The following LAMA5 variants were observed in gnomAD, a reference collection of about 807,000 sequenced individuals.
The protein encoded by LAMA5 is laminin subunit alpha 5.
In LAMA5, 260 loss-of-function variants were observed where a neutral mutation model predicts 433.4. That is an observed-to-expected ratio of 0.60 (90% CI 0.54 to 0.66). The LOEUF is 0.66. LAMA5 is among the 30% of genes least tolerant of loss of function. LAMA5 has a pLI of 0.00. For missense variants in LAMA5, 5,378 were observed against 5,258.5 expected (o/e 1.02, Z -0.70); for synonymous variants, 2,620 against 2,226.6 (o/e 1.18, Z -4.97).
chr20:62,350,347 A>G (rs1984099791), intron 6 of LAMA5, among the ~76,000 whole-genome samples: 2 of 152,064 alleles, frequency 1.3e-5, no homozygotes, highest in South Asian at 4.1e-4. Context: ...GTGGGTCCCC[A>G]GGGCCCACAG....
intron 50 of LAMA5, among the ~76,000 whole-genome samples, chr20:62,320,318 CAAAAAAAAAAAA>C (rs60260941): frequency 2.0e-5 from 1 of 51,250 alleles, no homozygotes; most frequent in African/African-American, 8.2e-5. Context: ...AACTGTGTCT[CAAAAAAAAAAAA>C]AAAAAAAAAA....
chr20:62,348,996 G>A (rs117495689), intron 6 of LAMA5, among the ~76,000 whole-genome samples: 2,661 of 152,222 alleles, frequency 0.017, 37 homozygotes, highest in Middle Eastern at 0.031. Context: ...ATGGCCAGGC[G>A]CAGTGGCTCA....
chr20:62,329,767 T>C lies in LAMA5; in HGVS notation c.4119+10A>G, dbSNP rs1000393299. On this transcript the variant is annotated intron_variant, in intron 32 of 79. Coordinates refer to ENST00000252999, the MANE Select transcript of LAMA5 (RefSeq NM_005560.6). ...GCTGGTCCCTGAGCAGGACATCAGCTGGGACTCACCAGCCAGAGCCACCGG... is the reference window on the plus strand; with the variant it reads ...GCTGGTCCCTGAGCAGGACATCAGCCGGGACTCACCAGCCAGAGCCACCGG... 9 of 1,612,004 alleles carry C rather than the reference T, an allele frequency of 5.6e-6. No individual in the cohort carries two copies. The highest frequency in any genetic ancestry group is 3.3e-5 in the Admixed American group (2 of 59,934).
chr20:62,311,568 C>T (rs372215264), intron 71 of LAMA5, 32 bp from the exon 72 acceptor site: 30 of 1,609,696 alleles, frequency 1.9e-5, no homozygotes, highest in South Asian at 3.3e-5. Flanking sequence ...TCAGCAGCTG[C>T]GGAAGGCCAG....
At chr20:62,358,755 C>A (rs1985611881) in intron 2 of LAMA5, among the ~76,000 whole-genome samples, 1 of 152,156 alleles carries the variant, frequency 6.6e-6, no homozygotes, top group African/African-American at 2.4e-5. Context: ...CTGGCCCTGA[C>A]CCTCTCATAA....
rs1986432107 is a variant in LAMA5, at chr20:62,312,621, A to C, written c.9227+11T>G. The C allele has an allele frequency of 6.2e-7, 1 of 1,603,856 alleles. No individual in the cohort carries two copies. Among genetic ancestry groups the C allele is most frequent in the African/African-American group, 1.3e-5 (1 of 74,730 alleles). On this transcript the variant is annotated intron_variant, in intron 67 of 79. Transcript: ENST00000252999. ...CCTGGCCTCGGAGCCCCAGCTGCGC[A>C]CAGTGCTTACCTCGGGGGCAGCTGG...
intron 59 of LAMA5, 28 bp from the exon 60 acceptor site, chr20:62,314,975 G>C: frequency 6.3e-7 from 1 of 1,579,000 alleles, no homozygotes; most frequent in Non-Finnish European, 8.6e-7. Context: ...TGAGACCTTT[G>C]CCCCCCACCG....
At chr20:62,325,674 A>C in intron 40 of LAMA5, 128 bp from the exon 41 acceptor site, 1 of 603,756 alleles carries the variant, frequency 1.7e-6, no homozygotes, top group Non-Finnish European at 2.8e-6. Context: ...GGAGGTACAC[A>C]CAGGTAGAAA....
chr20:62,331,801 C>T (rs993603723), intron 28 of LAMA5, among the ~76,000 whole-genome samples: 2 of 152,304 alleles, frequency 1.3e-5, no homozygotes, highest in South Asian at 2.1e-4. Flanking sequence ...TCTGTAATCC[C>T]AGCATTTTGG....
intron 1 of LAMA5, among the ~76,000 whole-genome samples, chr20:62,363,366 C>T (rs911046674): frequency 2.0e-5 from 3 of 152,310 alleles, no homozygotes; most frequent in East Asian, 1.9e-4. Flanking sequence ...TAAGGCTGCA[C>T]CTGCCTGGGG....
Position 62,309,360 on chromosome 20 carries a change from C to T in LAMA5, c.11064G>A (p.Gly3688=). The change falls in exon 80 of 80, where the codon GGG becomes GGA. Residue 3688 remains glycine, a synonymous_variant. Transcript: ENST00000252999. ...TRSVEVHGAV[G]ASGCPAA is the part of the protein sequence containing the mutation. ...CCTAGGCGGCTGGGCAGCCACTGGC[C>T]CCCACTGCCCCGTGGACCTCCACAG... 1 of 1,590,262 alleles carries T rather than the reference C, an allele frequency of 6.3e-7. No homozygotes were observed. Among genetic ancestry groups the T allele is most frequent in the Non-Finnish European group, 8.5e-7 (1 of 1,176,538 alleles).
rs878903026 is a variant in LAMA5, at chr20:62,353,108, C to T, written c.568+26G>A. 4.6e-6 allele frequency: 7 copies of T among 1,520,812 alleles called. No individual in the cohort carries two copies. The South Asian group carries it at 4.8e-5, about 10-fold the overall frequency. 94.2% of individuals were successfully genotyped at this position (1,520,812 alleles called of 1,614,324 possible). A position where few individuals can be genotyped will look rare whatever the true frequency, so the allele number is the denominator to read the frequency against. ...CCAGGGACCCCCCTGCCTCTCCCCC[C>T]AGGCCCCACGGCGGCAGAGACTCAC... On this transcript the variant is annotated intron_variant, in intron 3 of 79. Coordinates refer to ENST00000252999, the MANE Select transcript of LAMA5 (RefSeq NM_005560.6).
Position 62,328,073 on chromosome 20 carries a change from C to T in LAMA5, c.4653-63G>A, listed in dbSNP as rs959805385. ...GGTCACTCACACCAAAGTGAGACCT[C>T]GTAGGCACCCCCCACCCAGGCAGCA... On this transcript the variant is annotated intron_variant, in intron 35 of 79. Coordinates refer to ENST00000252999, the MANE Select transcript of LAMA5 (RefSeq NM_005560.6). 1.0e-4 allele frequency: 165 copies of T among 1,596,158 alleles called. 1 individual carries two copies. The highest frequency in any genetic ancestry group is 1.3e-4 in the Non-Finnish European group (149 of 1,172,488).
intron 18 of LAMA5, 91 bp from the exon 19 acceptor site, chr20:62,335,360 TCCAGGGCACACTCACAGGCTCCAGCACCC>T: frequency 7.9e-7 from 1 of 1,258,572 alleles, no homozygotes; most frequent in Non-Finnish European, 1.1e-6. Context: ...TAACACCCCC[TCCAGGGCACACTCACAGGCTCCAGCACCC>T]CCAGGAGCCC....
At chr20:62,361,639 C>T (rs1986143481) in intron 2 of LAMA5, among the ~76,000 whole-genome samples, 1 of 152,246 alleles carries the variant, frequency 6.6e-6, no homozygotes, top group African/African-American at 2.4e-5. Context: ...CTGGGGCCCC[C>T]ACTCCAGGCA....
chr20:62,332,322 T>C (rs746451905), intron 28 of LAMA5, 50 bp downstream of exon 28: 1 of 1,343,110 alleles, frequency 7.4e-7, no homozygotes, highest in Admixed American at 1.7e-5. Context: ...ATGTTTCAAA[T>C]CTTCTGAAAG....
intron 11 of LAMA5, among the ~76,000 whole-genome samples, chr20:62,342,929 T>C (rs1475576009): frequency 6.6e-6 from 1 of 152,228 alleles, no homozygotes; most frequent in Admixed American, 6.5e-5. Context: ...ATACAATTCA[T>C]TGTAATGAAC....
In LAMA5 at chr20:62,334,049, C is replaced by T. The variant is rs1339046354; in HGVS notation, c.2740-10G>A. 3.1e-6 allele frequency: 5 copies of T among 1,607,818 alleles called. No homozygotes were observed. Among genetic ancestry groups the T allele is most frequent in the African/African-American group, 2.7e-5 (2 of 74,840 alleles). Reference sequence around the variant, plus strand: ...TGGCCACGATCCTGGGCTGGGTGGGCATGGAGCGTCGGGTCACTCTCCCTG... The same window carrying T: ...TGGCCACGATCCTGGGCTGGGTGGGTATGGAGCGTCGGGTCACTCTCCCTG... On this transcript the variant is annotated splice_polypyrimidine_tract_variant and intron_variant, in intron 22 of 79. Coordinates refer to ENST00000252999, the MANE Select transcript of LAMA5 (RefSeq NM_005560.6).
In LAMA5 at chr20:62,311,168, C is replaced by G; in HGVS notation, c.10082G>C (p.Arg3361Thr). The G allele has an allele frequency of 1.3e-6, 2 of 1,595,442 alleles. No individual in the cohort carries two copies. Among genetic ancestry groups the G allele is most frequent in the African/African-American group, 1.3e-5 (1 of 74,300 alleles). The change falls in exon 73 of 80, where the codon AGG becomes ACG. Residue 3361 changes from arginine to threonine, a missense_variant. Physicochemically the swap from Arg to Thr is moderately conservative, Grantham distance 71 (BLOSUM62 -1). Coordinates refer to ENST00000252999, the MANE Select transcript of LAMA5 (RefSeq NM_005560.6). ...CAGCCGGGCCTGGCCTTACCAGTTC[C>G]TATGTCGGGCCAGGATGCCCACAAA... ...LEFVGILARH[R>T]NWPSLSMHVL...
Sources: gnomAD v4.1 joint callset for allele counts (sites outside exome capture counted in the v4.1 genomes callset) on GRCh38, gnomAD v4.1.1 for gene constraint, MANE v1.5 for transcripts, NCBI Gene and HGNC (gene_info 2026-07-23, HGNC 2026-07-21) for gene names.